The following AGO4 variants were observed in gnomAD, a reference collection of about 807,000 sequenced individuals.
AGO4 encodes the protein argonaute RISC component 4.
In AGO4, 33 loss-of-function variants were observed where a neutral mutation model predicts 104.7. That is an observed-to-expected ratio of 0.32 (90% confidence interval 0.24 to 0.42). AGO4 has a LOEUF of 0.42. Among genes scored for constraint, AGO4 ranks in the 10% least tolerant of loss-of-function variants. The pLI, the probability that AGO4 is intolerant of heterozygous loss-of-function variation, is 1.00. For synonymous variants in AGO4, 331 were observed against 364.7 expected (o/e 0.91, Z 1.05); for missense variants, 711 against 1,083.4 (o/e 0.66, Z 4.83).
intron 11 of AGO4, 79 bp downstream of exon 11, chr1:35,832,649 A>AAATT: frequency 4.0e-6 from 6 of 1,496,996 alleles, no homozygotes; most frequent in Non-Finnish European, 5.4e-6. Flanking sequence ...TGTGCTGTGT[A>AAATT]CACTGGCACT....
rs1294795737 is a variant in AGO4, at chr1:35,832,054, T to C, written c.1117-3T>C. On this transcript the variant is annotated splice_region_variant and splice_polypyrimidine_tract_variant and intron_variant, in intron 9 of 17. Coordinates refer to ENST00000373210, the MANE Select transcript of AGO4 (RefSeq NM_017629.4). Reference sequence around the variant, plus strand: ...TATATATGCAGGCTTTCCTGTTCTTTAGGTGAAGAGCAACAGTATGGTGGG... The same window carrying C: ...TATATATGCAGGCTTTCCTGTTCTTCAGGTGAAGAGCAACAGTATGGTGGG... The C allele has an allele frequency of 6.2e-7, 1 of 1,610,140 alleles. No individual in the cohort carries two copies. The highest frequency in any genetic ancestry group is 8.5e-7 in the Non-Finnish European group (1 of 1,178,996).
chr1:35,849,573 G>A (rs1414191198), intron 15 of AGO4, among the ~76,000 whole-genome samples: 2 of 144,682 alleles, frequency 1.4e-5, no homozygotes, highest in Non-Finnish European at 3.0e-5. Flanking sequence ...TATAGCCCCC[G>A]CTACTCAGGA....
At chr1:35,840,591 G>T (rs931399871) in intron 13 of AGO4, among the ~76,000 whole-genome samples, 6 of 151,734 alleles carry the variant, frequency 4.0e-5, no homozygotes, top group African/African-American at 1.5e-4. Flanking sequence ...GAGCCACCAC[G>T]CCCGGCCTCT....
Position 35,831,818 on chromosome 1 carries a change from A to G in AGO4, c.1003A>G (p.Asn335Asp), listed in dbSNP as rs1174801398. The G allele has an allele frequency of 6.2e-7, 1 of 1,613,926 alleles. No homozygotes were observed. The highest frequency in any genetic ancestry group is 8.5e-7 in the Non-Finnish European group (1 of 1,179,990). ...TCTCTTTGTCTCTTGGCAGGTCTGT[A>G]ATATAGTGGCAGGACAGCGATGTAT... ...KHTYLPLEVC[N>D]IVAGQRCIKK... Residue 335 changes from asparagine to aspartate, a missense_variant, in exon 9 of 18, where the codon AAT becomes GAT. Asn to Asp is a conservative substitution (Grantham distance 23, BLOSUM62 1). Transcript: ENST00000373210.
Position 35,832,071 on chromosome 1 carries a change from T to C in AGO4, c.1131T>C (p.Ser377=). ...CTGTTCTTTAGGTGAAGAGCAACAGTATGGTGGGTGGACCTGATCCATACC... is the reference window on the plus strand; with the variant it reads ...CTGTTCTTTAGGTGAAGAGCAACAGCATGGTGGGTGGACCTGATCCATACC... ...EEISRLVKSN[S]MVGGPDPYLK... Residue 377 remains serine (S), a synonymous_variant, in exon 10 of 18, where the codon AGT becomes AGC. Transcript: ENST00000373210. The C allele has an allele frequency of 6.2e-7, 1 of 1,613,146 alleles. No homozygotes were observed. The highest frequency in any genetic ancestry group is 8.5e-7 in the Non-Finnish European group (1 of 1,179,796).
At chr1:35,831,714 T>A in intron 8 of AGO4, 98 bp from the exon 9 acceptor site, 1 of 1,551,576 alleles carries the variant, frequency 6.4e-7, no homozygotes, top group Non-Finnish European at 8.7e-7. Context: ...TAACCAAATT[T>A]TAATTTTTCT....
At chr1:35,824,016 T>C (rs1643949176) in intron 3 of AGO4, among the ~76,000 whole-genome samples, 1 of 152,210 alleles carries the variant, frequency 6.6e-6, no homozygotes, top group African/African-American at 2.4e-5. Context: ...TTTCTCACAT[T>C]AACCATGTAC....
chr1:35,829,226 A>G lies in AGO4; in HGVS notation c.849-2201A>G, dbSNP rs1644115447. ...GGAATAAATTCTTCAGTATGACCTC[A>G]TGTACACACTACATGAATTTCTTAA... On this transcript the variant is annotated intron_variant, in intron 7 of 17. Transcript: ENST00000373210. Among the ~76,000 whole-genome samples the G allele has an allele frequency of 2.0e-5, 3 of 151,878 alleles. No individual in the cohort carries two copies. In the South Asian group the frequency reaches 6.2e-4, roughly 32 times the overall value.
chr1:35,845,583 C>CTCTCT (rs778639782), intron 15 of AGO4, among the ~76,000 whole-genome samples: 1 of 152,080 alleles, frequency 6.6e-6, no homozygotes, highest in African/African-American at 2.4e-5. Context: ...TCATACTTCT[C>CTCTCT]TCTCTTCTCT....
rs1644452207 is a variant in AGO4 at position 35,841,813 on chromosome 1, T to TATATATATATATATATATATATACAC, written c.2175+86_2175+87insCACATATATATATATATATATATATA. 1 of 8,642 alleles carries TATATATATATATATATATATATACAC rather than the reference T, an allele frequency of 1.2e-4. No individual in the cohort carries two copies. Among genetic ancestry groups the TATATATATATATATATATATATACAC allele is most frequent in the African/African-American group, 3.1e-4 (1 of 3,276 alleles). The allele number at this position is 8,642 out of a possible 1,614,324, so 0.5% of individuals were successfully genotyped here. On this transcript the variant is annotated intron_variant, in intron 15 of 17. Transcript: ENST00000373210. The surrounding 1 kb of genome is among the most constrained non-coding windows in gnomAD (Gnocchi z 4.7). ...CTGGCAAGAGATGTATATATGCACATATATATATATATATATATATATATA... is the reference window on the plus strand; with the variant it reads ...CTGGCAAGAGATGTATATATGCACATATATATATATATATATATATATACACATATATATATATATATATATATATA...
intron 7 of AGO4, among the ~76,000 whole-genome samples, chr1:35,830,485 C>T (rs1644154434): frequency 6.6e-6 from 1 of 152,172 alleles, no homozygotes; most frequent in African/African-American, 2.4e-5. Flanking sequence ...TAGGTGTTAC[C>T]TGACCTCAAG....
rs527495051 is a variant in AGO4 at position 35,824,427 on chromosome 1, A to G, written c.307-886A>G. ...ATGCCTGAAAGATCTTTCCATTTCTATACATTTATATCTACCTTATTATTT... is the reference window on the plus strand; with the variant it reads ...ATGCCTGAAAGATCTTTCCATTTCTGTACATTTATATCTACCTTATTATTT... On this transcript the variant is annotated intron_variant, in intron 3 of 17. Transcript: ENST00000373210. 1.0e-3 allele frequency among the ~76,000 whole-genome samples: 155 copies of G among 152,000 alleles called. 1 individual carries two copies. Among genetic ancestry groups the G allele is most frequent in the African/African-American group, 3.7e-3 (154 of 41,444 alleles).
intron 3 of AGO4, among the ~76,000 whole-genome samples, chr1:35,824,843 G>C (rs1643973493): frequency 6.6e-6 from 1 of 152,238 alleles, no homozygotes; most frequent in South Asian, 2.1e-4. Flanking sequence ...ATGGCATTAT[G>C]TATGTTCACA....
chr1:35,821,875 C>A (rs1643893393), intron 2 of AGO4, among the ~76,000 whole-genome samples: 1 of 151,656 alleles, frequency 6.6e-6, no homozygotes, highest in African/African-American at 2.4e-5. Context: ...TTCTCAAAAC[C>A]AATATACTTG....
chr1:35,828,940 C>T (rs1396770463), intron 7 of AGO4, among the ~76,000 whole-genome samples: 1 of 152,074 alleles, frequency 6.6e-6, no homozygotes, highest in African/African-American at 2.4e-5. Context: ...CTGACATAAA[C>T]ATAAATATTG....
Position 35,841,811 on chromosome 1 carries a change from C to CAT in AGO4, c.2175+87_2175+88dup, listed in dbSNP as rs5773512. On this transcript the variant is annotated intron_variant, in intron 15 of 17. Transcript: ENST00000373210. This position sits in a 1 kb window ranked among gnomAD's most constrained non-coding sequence, Gnocchi z 4.7. ...CTCTGGCAAGAGATGTATATATGCA[C>CAT]ATATATATATATATATATATATATA... 5,507 of 603,268 alleles carry CAT rather than the reference C, an allele frequency of 9.1e-3. 29 individuals carry two copies. Among genetic ancestry groups the CAT allele is most frequent in the African/African-American group, 0.028 (1,396 of 49,602 alleles). The allele number at this position is 603,268 out of a possible 1,614,324, so 37.4% of individuals were successfully genotyped here. A position where few individuals can be genotyped will look rare whatever the true frequency, so the allele number is the denominator to read the frequency against.
intron 3 of AGO4, among the ~76,000 whole-genome samples, chr1:35,824,890 C>G (rs951480615): frequency 1.3e-5 from 2 of 152,134 alleles, no homozygotes; most frequent in Admixed American, 1.3e-4. Flanking sequence ...ATTTTCAGAA[C>G]TTTTTCATCA....
At chr1:35,811,242 G>A (rs946617794) in intron 1 of AGO4, among the ~76,000 whole-genome samples, 1 of 151,906 alleles carries the variant, frequency 6.6e-6, no homozygotes, top group African/African-American at 2.4e-5. Flanking sequence ...GGGAGGCCGA[G>A]GTGGGCGGAT....
rs1006310057 is a variant in AGO4 at position 35,857,888 on chromosome 1, A to G, written c.*4283A>G. The G allele has an allele frequency of 7.9e-5, 12 of 152,236 alleles. No homozygotes were observed. Among genetic ancestry groups the G allele is most frequent in the Non-Finnish European group, 1.8e-4 (12 of 68,032 alleles). 9.4% of individuals were successfully genotyped at this position (152,236 alleles called of 1,614,324 possible). A position where few individuals can be genotyped will look rare whatever the true frequency, so the allele number is the denominator to read the frequency against. On this transcript the variant is annotated 3_prime_UTR_variant, in exon 18 of 18. Transcript: ENST00000373210. ...AACTAAAATAAAACTTTTAAAAAAG[A>G]AATTTCTATTTGAGAATTTTAGAAG...
Sources: gnomAD v4.1 joint callset for allele counts (sites outside exome capture counted in the v4.1 genomes callset) on GRCh38, gnomAD v4.1.1 for gene constraint, Gnocchi (gnomAD v3.1) non-coding constraint, MANE v1.5 for transcripts, NCBI Gene and HGNC (gene_info 2026-07-23, HGNC 2026-07-21) for gene names.